ETHE1: variants seen among roughly 807,000 people sequenced by gnomAD.
The protein encoded by ETHE1 is ETHE1 persulfide dioxygenase, also known as persulfide dioxygenase ETHE1, mitochondrial.
A neutral mutation model predicts 25.7 loss-of-function variants in ETHE1; 16 were observed. The observed-to-expected ratio is 0.62, with a 90% CI of 0.42 to 0.95. The LOEUF is 0.95. ETHE1 is among the 40% of genes least tolerant of loss of function. The pLI is 0.00. For synonymous variants in ETHE1, 139 were observed against 135.9 expected (o/e 1.02, Z -0.16); for missense variants, 300 against 333.6 (o/e 0.90, Z 0.79).
rs778213628 is a variant in ETHE1, at chr19:43,526,682, A to G, written c.82-23T>C. 7.4e-6 allele frequency: 12 copies of G among 1,612,544 alleles called. No homozygotes were observed. In the Admixed American group the frequency reaches 2.0e-4, roughly 27 times the overall value. On this transcript the variant is annotated intron_variant, in intron 1 of 6. Coordinates refer to ENST00000292147, the MANE Select transcript of ETHE1 (RefSeq NM_014297.5). ...CATCTGGGAACGGGGGACCCAGGTG[A>G]GGGCGCAGAACCGGACTTCCACCCA...
At chr19:43,519,517 G>A (rs1248443877) in intron 3 of ETHE1, among the ~76,000 whole-genome samples, 1 of 152,068 alleles carries the variant, frequency 6.6e-6, no homozygotes, top group Non-Finnish European at 1.5e-5. Context: ...CTTCCATGAT[G>A]CATCATGTCT....
intron 3 of ETHE1, among the ~76,000 whole-genome samples, chr19:43,523,946 A>T (rs1972187752): frequency 6.6e-6 from 1 of 151,964 alleles, no homozygotes; most frequent in Non-Finnish European, 1.5e-5. Context: ...AAAAATAAAT[A>T]AAAATGTGCC....
chr19:43,507,162 G>A (rs1205265327), intron 6 of ETHE1, among the ~76,000 whole-genome samples: 1 of 36,466 alleles, frequency 2.7e-5, no homozygotes, highest in East Asian at 9.5e-4. Context: ...CAGGAGTCCA[G>A]TCCCCCAGCC....
intron 3 of ETHE1, 83 bp downstream of exon 3, chr19:43,526,118 G>A (rs1474472225): frequency 3.1e-6 from 5 of 1,604,704 alleles, no homozygotes; most frequent in Non-Finnish European, 4.3e-6. Context: ...AAGGACTCAG[G>A]ATCCCAGGCC....
chr19:43,515,222 C>T (rs1005733830), intron 3 of ETHE1, among the ~76,000 whole-genome samples: 1 of 151,886 alleles, frequency 6.6e-6, no homozygotes, highest in East Asian at 1.9e-4. Context: ...TTCGAGACCA[C>T]CCCGGCCAAT....
At chr19:43,521,284 C>T (rs1057171184) in intron 3 of ETHE1, among the ~76,000 whole-genome samples, 8 of 152,120 alleles carry the variant, frequency 5.3e-5, no homozygotes, top group African/African-American at 1.7e-4. Flanking sequence ...GAGACTGCGC[C>T]ACTGCACTCT....
chr19:43,520,144 T>A (rs1423619060), intron 3 of ETHE1, among the ~76,000 whole-genome samples: 1 of 149,870 alleles, frequency 6.7e-6, no homozygotes, highest in Non-Finnish European at 1.5e-5. Flanking sequence ...AGGTCAGGAG[T>A]TCGAGACCAG....
At chr19:43,526,977 G>A in intron 1 of ETHE1, 120 bp downstream of exon 1, 2 of 1,530,950 alleles carry the variant, frequency 1.3e-6, no homozygotes, top group Non-Finnish European at 1.7e-6. Context: ...CCTCCACCCC[G>A]CTTTCCGCAA....
At chr19:43,513,986 T>G (rs1382819253) in intron 3 of ETHE1, among the ~76,000 whole-genome samples, 1 of 152,122 alleles carries the variant, frequency 6.6e-6, no homozygotes. Flanking sequence ...CCTCCCAAAG[T>G]GCTGAGATAA....
intron 3 of ETHE1, among the ~76,000 whole-genome samples, chr19:43,514,372 T>A (rs1971979564): frequency 6.6e-6 from 1 of 152,098 alleles, no homozygotes; most frequent in African/African-American, 2.4e-5. Flanking sequence ...ATGTAAGCCA[T>A]GCCTTCACTC....
At chr19:43,511,345 T>C in intron 4 of ETHE1, 92 bp downstream of exon 4, 5 of 1,581,604 alleles carry the variant, frequency 3.2e-6, no homozygotes, top group South Asian at 1.1e-5. Context: ...AAAAGTCTAA[T>C]GTCCATCCAT....
chr19:43,518,428 C>A (rs1972066276), intron 3 of ETHE1, among the ~76,000 whole-genome samples: 2 of 152,018 alleles, frequency 1.3e-5, no homozygotes, highest in South Asian at 4.2e-4. Context: ...CTGAACACAG[C>A]TGAATATTTA....
intron 4 of ETHE1, among the ~76,000 whole-genome samples, chr19:43,509,626 T>C (rs1971868751): frequency 6.6e-6 from 1 of 151,618 alleles, no homozygotes; most frequent in African/African-American, 2.4e-5. Flanking sequence ...AAACCCTGTC[T>C]CTACTAAAAA....
chr19:43,508,718 T>C, intron 5 of ETHE1, 57 bp downstream of exon 5: 1 of 1,354,472 alleles, frequency 7.4e-7, no homozygotes, highest in East Asian at 2.4e-5. Context: ...ATTACAGAGA[T>C]TTACACTCCA....
intron 3 of ETHE1, among the ~76,000 whole-genome samples, chr19:43,524,080 A>G (rs1373911567): frequency 6.6e-6 from 1 of 151,914 alleles, no homozygotes; most frequent in Non-Finnish European, 1.5e-5. Context: ...TACTAAAAAT[A>G]CAAAATTAGC....
chr19:43,517,534 T>A (rs1972045448), intron 3 of ETHE1, among the ~76,000 whole-genome samples: 2 of 150,454 alleles, frequency 1.3e-5, no homozygotes, highest in Non-Finnish European at 3.0e-5. Context: ...CGCGACACTT[T>A]GGGAGGCCAA....
chr19:43,510,790 T>C (rs1456282732), intron 4 of ETHE1, among the ~76,000 whole-genome samples: 2 of 152,058 alleles, frequency 1.3e-5, no homozygotes, highest in East Asian at 3.8e-4. Context: ...TACTCTAGCA[T>C]GGGGGTCCTT....
intron 3 of ETHE1, among the ~76,000 whole-genome samples, chr19:43,521,090 T>C (rs932551648): frequency 5.9e-5 from 9 of 152,204 alleles, no homozygotes; most frequent in South Asian, 2.1e-4. Context: ...CCCTGCATTT[T>C]GGGAGGCTGA....
At chr19:43,524,309 C>G (rs1387118546) in intron 3 of ETHE1, among the ~76,000 whole-genome samples, 1 of 151,534 alleles carries the variant, frequency 6.6e-6, no homozygotes, top group East Asian at 1.9e-4. Context: ...CACTTGAACC[C>G]GGGAGGTGGA....
Sources: gnomAD v4.1 joint callset for allele counts (sites outside exome capture counted in the v4.1 genomes callset) on GRCh38, gnomAD v4.1.1 for gene constraint, MANE v1.5 for transcripts, NCBI Gene and HGNC (gene_info 2026-07-23, HGNC 2026-07-21) for gene names.